The following ST6GAL1 variants were observed in gnomAD, a reference collection of about 807,000 sequenced individuals.
The protein encoded by ST6GAL1 is ST6 beta-galactoside alpha-2,6-sialyltransferase 1.
A neutral mutation model predicts 38.0 loss-of-function variants in ST6GAL1; 20 were observed. The ratio of observed to expected loss-of-function variants is 0.53; its 90% CI spans 0.37 to 0.77. The LOEUF (loss-of-function observed/expected upper bound fraction) is 0.77. Ranked by LOEUF, ST6GAL1 falls within the 30% of genes least tolerant of loss-of-function variation. The pLI is 0.00. For missense variants in ST6GAL1, 432 were observed against 496.4 expected, an observed-to-expected ratio of 0.87 and a Z score of 1.23; for synonymous variants, 196 against 188.2, an observed-to-expected ratio of 1.04 and a Z score of -0.34.
chr3:187,013,298 C>T (rs1011978385), intron 2 of ST6GAL1, among the ~76,000 whole-genome samples: 1 of 152,164 alleles, frequency 6.6e-6, no homozygotes, highest in Non-Finnish European at 1.5e-5. Flanking sequence ...TATTACTTCC[C>T]CTGTGCTTTC....
At chr3:186,955,606 G>T (rs191446453) in intron 1 of ST6GAL1, among the ~76,000 whole-genome samples, 1 of 151,972 alleles carries the variant, frequency 6.6e-6, no homozygotes, top group Non-Finnish European at 1.5e-5. Flanking sequence ...GGGTTCAAGC[G>T]ATTCTCTTGC....
intron 5 of ST6GAL1, among the ~76,000 whole-genome samples, chr3:187,069,919 T>C (rs1263026598): frequency 1.3e-5 from 2 of 152,216 alleles, no homozygotes; most frequent in Non-Finnish European, 2.9e-5. Flanking sequence ...AGTCCAAAAG[T>C]AGACATTCCA....
chr3:187,041,373 C>G (rs960529470), intron 3 of ST6GAL1, among the ~76,000 whole-genome samples: 1 of 152,032 alleles, frequency 6.6e-6, no homozygotes, highest in East Asian at 1.9e-4. Flanking sequence ...AGCAAAACCC[C>G]GGAGGTGATT....
At chr3:186,939,578 G>A (rs890020316) in intron 1 of ST6GAL1, among the ~76,000 whole-genome samples, 22 of 152,188 alleles carry the variant, frequency 1.4e-4, no homozygotes, top group Admixed American at 6.5e-5. Context: ...AGTATTAAAT[G>A]AGATAACCCA....
intron 5 of ST6GAL1, among the ~76,000 whole-genome samples, chr3:187,058,904 G>A (rs570827210): frequency 6.6e-6 from 1 of 152,088 alleles, no homozygotes; most frequent in East Asian, 1.9e-4. Context: ...GCCTCCTGAA[G>A]TGTTAGTATT....
intron 2 of ST6GAL1, among the ~76,000 whole-genome samples, chr3:186,990,111 G>C (rs1716107160): frequency 6.6e-6 from 1 of 152,246 alleles, no homozygotes; most frequent in Non-Finnish European, 1.5e-5. Flanking sequence ...TTAGCTCACT[G>C]CAACCTGTGC....
Position 186,952,742 on chromosome 3 carries a change from A to G in ST6GAL1, c.-324-11043A>G, listed in dbSNP as rs951847184. ...AATTTCCTGACAACCCTCAATTTAT[A>G]TTTCCAACCCACACCTTTCCCCTGA... is the stretch of plus-strand genomic sequence containing the variant. On this transcript the variant is annotated intron_variant, in intron 1 of 7. Coordinates refer to ENST00000169298, the MANE Select transcript of ST6GAL1 (RefSeq NM_173216.2). This position sits in a 1 kb window ranked among gnomAD's most constrained non-coding sequence, Gnocchi z 4.1. Among the ~76,000 whole-genome samples the G allele has an allele frequency of 6.6e-6, 1 of 152,010 alleles. No homozygotes were observed. The highest frequency in any genetic ancestry group is 1.5e-5 in the Non-Finnish European group (1 of 68,010).
intron 1 of ST6GAL1, among the ~76,000 whole-genome samples, chr3:186,936,445 G>T (rs1713955005): frequency 6.6e-6 from 1 of 152,148 alleles, no homozygotes. Flanking sequence ...TTTCTTGCTT[G>T]TCTGCAGAAA....
In ST6GAL1 at chr3:187,072,947, G is replaced by C; in HGVS notation, c.804G>C (p.Lys268Asn). 1 of 1,609,874 alleles carries C rather than the reference G, an allele frequency of 6.2e-7. No individual in the cohort carries two copies. Among genetic ancestry groups the C allele is most frequent in the Non-Finnish European group, 8.5e-7 (1 of 1,176,222 alleles). The change falls in exon 6 of 8, where the codon AAG (lysine) becomes AAC (asparagine). Residue 268 changes from lysine to asparagine, a missense_variant and splice_region_variant. By Grantham distance (94) the Lys-to-Asn change is moderately conservative. Coordinates refer to ENST00000169298, the MANE Select transcript of ST6GAL1 (RefSeq NM_173216.2). ...DPSVYHSDIPKWYQNPDYNFF... is the reference protein window; with the variant it reads ...DPSVYHSDIPNWYQNPDYNFF... ...CTGTATACCACTCAGATATCCCAAA[G>C]GTAAGTGGGTGTCCGTGGGAAATAG...
intron 2 of ST6GAL1, chr3:187,024,646 A>G (rs1717462761): frequency 6.6e-6 from 1 of 152,154 alleles, no homozygotes; most frequent in Non-Finnish European, 1.5e-5. Context: ...AGAGGAGAAC[A>G]TTAAACAACA....
At chr3:186,958,952 C>CA (rs58963193) in intron 1 of ST6GAL1, among the ~76,000 whole-genome samples, 25 of 112,058 alleles carry the variant, frequency 2.2e-4, no homozygotes, top group South Asian at 3.1e-4. Context: ...GACTCCATCT[C>CA]AAAAAAAAAA....
chr3:186,962,021 T>C (rs2108526374), intron 1 of ST6GAL1, among the ~76,000 whole-genome samples: 1 of 152,298 alleles, frequency 6.6e-6, no homozygotes. Flanking sequence ...TGACCCTGGC[T>C]CCTGGTGTTT....
Position 186,939,068 on chromosome 3 carries a change from C to CTT in ST6GAL1, c.-325+8249_-325+8250dup, listed in dbSNP as rs59211382. On this transcript the variant is annotated intron_variant, in intron 1 of 7. Transcript: ENST00000169298. Reference sequence around the variant, plus strand: ...GAGAGACAGAAAGTCAACCTGGGACCTTTTTTTTTTTTTTTTCTTTTTTGA... The same window carrying CTT: ...GAGAGACAGAAAGTCAACCTGGGACCTTTTTTTTTTTTTTTTTTCTTTTTTGA... Among the ~76,000 whole-genome samples the CTT allele has an allele frequency of 1.6e-3, 216 of 135,486 alleles. 4 individuals are homozygous for CTT. The highest frequency in any genetic ancestry group is 6.4e-3 in the East Asian group (30 of 4,654). 88.9% of individuals were successfully genotyped at this position (135,486 alleles called of 152,430 possible). A position where few individuals can be genotyped will look rare whatever the true frequency, so the allele number is the denominator to read the frequency against.
chr3:187,074,346 C>T lies in ST6GAL1; in HGVS notation c.979+13C>T, dbSNP rs777634587. 8.4e-6 allele frequency: 13 copies of T among 1,552,462 alleles called. No homozygotes were observed. The highest frequency in any genetic ancestry group is 1.7e-4 in the Middle Eastern group (1 of 5,778). ...TCTGGGATGCTTGGTGAGTTCATGT[C>T]GGGGAAAAGACCTTGCATGTTTGTT... On this transcript the variant is annotated intron_variant, in intron 7 of 7. Transcript: ENST00000169298.
chr3:186,995,050 A>G (rs1376499162), intron 2 of ST6GAL1, among the ~76,000 whole-genome samples: 1 of 152,338 alleles, frequency 6.6e-6, no homozygotes, highest in East Asian at 1.9e-4. Flanking sequence ...TATGGAGTCA[A>G]TATTCAATTT....
intron 2 of ST6GAL1, among the ~76,000 whole-genome samples, chr3:186,968,278 G>A (rs1179324000): frequency 1.3e-5 from 2 of 152,252 alleles, no homozygotes; most frequent in East Asian, 3.9e-4. Context: ...GAGTGAAGAT[G>A]AATAATTATT....
rs758630859 is a variant in ST6GAL1, at chr3:187,001,132, T to G, written c.-183+37206T>G. Among the ~76,000 whole-genome samples, 21 of 152,218 alleles carry G rather than the reference T, an allele frequency of 1.4e-4. 1 individual carries two copies. In the South Asian group the frequency reaches 1.9e-3, roughly 14 times the overall value. On this transcript the variant is annotated intron_variant, in intron 2 of 7. Coordinates refer to ENST00000169298, the MANE Select transcript of ST6GAL1 (RefSeq NM_173216.2). ...AAGCTGGCCATGTGGCTTCACTAAG[T>G]TTGGCCTCAACTTCCCACAGTGGCA...
At chr3:187,004,120 C>T (rs1169239628) in intron 2 of ST6GAL1, among the ~76,000 whole-genome samples, 3 of 152,200 alleles carry the variant, frequency 2.0e-5, no homozygotes, top group Non-Finnish European at 4.4e-5. Context: ...CCTTCCCCAC[C>T]ACTGCCTCTT....
chr3:187,043,054 A>C lies in ST6GAL1; in HGVS notation c.351A>C (p.Leu117=). 2 of 1,614,170 alleles carry C rather than the reference A, an allele frequency of 1.2e-6. No homozygotes were observed. Among genetic ancestry groups the C allele is most frequent in the Non-Finnish European group, 1.7e-6 (2 of 1,180,024 alleles). Residue 117 remains leucine (L), a synonymous_variant, in exon 4 of 8, where the codon CTA becomes CTC. Transcript: ENST00000169298. The stretch of plus-strand genomic sequence containing the variant: ...TGCAAAAGATCTGGAAGAATTACCT[A>C]AGCATGAACAAGTACAAAGTGTCCT... ...PRLQKIWKNY[L]SMNKYKVSYK...
Sources: allele counts gnomAD v4.1 joint callset (sites outside exome capture counted in the v4.1 genomes callset), GRCh38; gene constraint gnomAD v4.1.1; non-coding constraint Gnocchi (gnomAD v3.1); transcripts MANE v1.5; gene names NCBI Gene and HGNC (gene_info 2026-07-23, HGNC 2026-07-21).